RAD51AP2: variants seen among roughly 807,000 people sequenced by gnomAD.
RAD51AP2 encodes RAD51-associated protein 2.
Under a neutral mutation model 85.5 loss-of-function variants are expected in RAD51AP2, and 67 were observed. The ratio of observed to expected loss-of-function variants is 0.78; its 90% CI spans 0.64 to 0.96. RAD51AP2 has a LOEUF of 0.96. RAD51AP2 is among the 40% of genes least tolerant of loss of function. The pLI is 0.00. For missense variants in RAD51AP2, 1,307 were observed against 1,332.4 expected (o/e 0.98, Z 0.30); for synonymous variants, 474 against 446.5 (o/e 1.06, Z -0.78).
the RAD51AP2 span, among the ~76,000 whole-genome samples, chr2:17,530,584 C>CAAAAA: frequency 2.6e-4 from 21 of 80,252 alleles, 1 homozygote; most frequent in African/African-American, 6.8e-4. Context: ...GGCCCTGTCT[C>CAAAAA]AAAAAAAAAA....
upstream of RAD51AP2, among the ~76,000 whole-genome samples, chr2:17,521,225 T>C (rs1353371844): frequency 6.6e-6 from 1 of 152,112 alleles, no homozygotes; most frequent in Non-Finnish European, 1.5e-5. Flanking sequence ...TTTTGTGTTA[T>C]TTTGCTTTAG....
At chr2:17,532,502 G>A in the RAD51AP2 span, among the ~76,000 whole-genome samples, 3 of 151,698 alleles carry the variant, frequency 2.0e-5, no homozygotes, top group African/African-American at 7.3e-5. Context: ...GCAACATAAC[G>A]AGACCCCCAC....
chr2:17,521,897 C>T (rs1251873864), upstream of RAD51AP2, among the ~76,000 whole-genome samples: 1 of 151,856 alleles, frequency 6.6e-6, no homozygotes, highest in Non-Finnish European at 1.5e-5. Context: ...TCCCAAAATG[C>T]ATCCCCTACA....
chr2:17,534,420 A>AT, the RAD51AP2 span, among the ~76,000 whole-genome samples: 2 of 151,886 alleles, frequency 1.3e-5, no homozygotes, highest in East Asian at 1.9e-4. Context: ...CTAGTAGCTC[A>AT]TTTTTTTTCA....
chr2:17,518,447 C>T (rs1662772529), upstream of RAD51AP2: 3 of 1,586,426 alleles, frequency 1.9e-6, no homozygotes, highest in African/African-American at 1.4e-5. Flanking sequence ...GTCCGAGTCC[C>T]GGCGGGGCTC....
the RAD51AP2 span, among the ~76,000 whole-genome samples, chr2:17,534,756 C>A: frequency 6.6e-6 from 1 of 152,002 alleles, no homozygotes; most frequent in Non-Finnish European, 1.5e-5. Flanking sequence ...GAAAAATAAA[C>A]AAACAAGAAT....
chr2:17,518,551 C>G, upstream of RAD51AP2: 5 of 1,131,812 alleles, frequency 4.4e-6, no homozygotes, highest in Non-Finnish European at 6.1e-6. Flanking sequence ...GTTTGCCCCA[C>G]CCCGAATCCG....
upstream of RAD51AP2, among the ~76,000 whole-genome samples, chr2:17,523,233 AATT>A: frequency 6.6e-6 from 1 of 152,044 alleles, no homozygotes; most frequent in South Asian, 2.1e-4. Context: ...TAATTACAAT[AATT>A]ATTATCAAAC....
chr2:17,515,057 C>A, intron 1 of RAD51AP2, 112 bp downstream of exon 1: 1 of 824,502 alleles, frequency 1.2e-6, no homozygotes, highest in East Asian at 2.8e-5. Context: ...CATTGTCTTG[C>A]ATTTTATCTC....
chr2:17,530,638 T>C, the RAD51AP2 span, among the ~76,000 whole-genome samples: 1 of 150,214 alleles, frequency 6.7e-6, no homozygotes, highest in Non-Finnish European at 1.5e-5. Flanking sequence ...GTTACTGTAT[T>C]CTTTCCTCTA....
In RAD51AP2 at chr2:17,510,937, C is replaced by A; in HGVS notation, c.3347G>T (p.Gly1116Val). Residue 1116 changes from glycine to valine, a missense_variant, in exon 3 of 3, where the codon GGC becomes GTC. By Grantham distance (109) the Gly-to-Val change is moderately radical. Around this residue, in one of 3 missense-constraint regions of RAD51AP2, gnomAD observed 668 missense variants for 671.0 expected, o/e 1.00. Transcript: ENST00000399080. Reference sequence around the variant, plus strand: ...CTTAAGCGGTCGTACTCTTGAAATGCCATGTGGAAAGTGACTACCTAAAAA... The same window carrying A: ...CTTAAGCGGTCGTACTCTTGAAATGACATGTGGAAAGTGACTACCTAAAAA... Reference protein sequence around the residue: ...LLRGGSHFPHGISRVRPLKTC... With the variant: ...LLRGGSHFPHVISRVRPLKTC... The A allele has an allele frequency of 6.3e-7, 1 of 1,591,378 alleles. No homozygotes were observed. Among genetic ancestry groups the A allele is most frequent in the South Asian group, 1.2e-5 (1 of 85,084 alleles).
At chr2:17,531,320 T>C in the RAD51AP2 span, among the ~76,000 whole-genome samples, 1 of 152,118 alleles carries the variant, frequency 6.6e-6, no homozygotes, top group Admixed American at 6.6e-5. Flanking sequence ...TTAGGACATG[T>C]CCCTTATGAA....
At chr2:17,536,248 C>A in the RAD51AP2 span, among the ~76,000 whole-genome samples, 3 of 152,160 alleles carry the variant, frequency 2.0e-5, no homozygotes, top group Non-Finnish European at 2.9e-5. Flanking sequence ...TGATTTCCAA[C>A]TACCGAGGTC....
chr2:17,514,660 C>T (rs907366708), intron 1 of RAD51AP2, among the ~76,000 whole-genome samples: 3 of 152,102 alleles, frequency 2.0e-5, no homozygotes, highest in Non-Finnish European at 2.9e-5. Flanking sequence ...ATCCCAGCTA[C>T]TCTGGAGGCT....
the RAD51AP2 span, among the ~76,000 whole-genome samples, chr2:17,537,077 T>C: frequency 0.024 from 3,685 of 152,340 alleles, 44 homozygotes; most frequent in Middle Eastern, 0.054. Context: ...CTCAGCACTT[T>C]GGGAGGCCAA....
the RAD51AP2 span, among the ~76,000 whole-genome samples, chr2:17,525,075 A>C: frequency 6.6e-6 from 1 of 151,960 alleles, no homozygotes; most frequent in Non-Finnish European, 1.5e-5. Flanking sequence ...ATTAATCTGA[A>C]AGCCACTGAC....
At chr2:17,513,526 C>T (rs1271127209) in intron 2 of RAD51AP2, among the ~76,000 whole-genome samples, 1 of 152,018 alleles carries the variant, frequency 6.6e-6, no homozygotes, top group Middle Eastern at 3.2e-3. Flanking sequence ...CGTGAGCCAC[C>T]GTGCCTGGCC....
the RAD51AP2 span, among the ~76,000 whole-genome samples, chr2:17,526,879 T>A: frequency 6.6e-6 from 1 of 152,168 alleles, no homozygotes; most frequent in African/African-American, 2.4e-5. Flanking sequence ...TTCAGTAGAA[T>A]TACAAAACTA....
upstream of RAD51AP2, among the ~76,000 whole-genome samples, chr2:17,521,902 C>T (rs1034362210): frequency 1.2e-4 from 18 of 151,848 alleles, no homozygotes; most frequent in African/African-American, 4.3e-4. Flanking sequence ...AAATGCATCC[C>T]CTACATAGAC....
Sources: allele counts gnomAD v4.1 joint callset (sites outside exome capture counted in the v4.1 genomes callset), GRCh38; gene constraint gnomAD v4.1.1; regional missense constraint gnomAD v4.1.1; transcripts MANE v1.5; gene names NCBI Gene and HGNC (gene_info 2026-07-23, HGNC 2026-07-21).